CDK14: variants seen among roughly 807,000 people sequenced by gnomAD.
The protein encoded by CDK14 is cyclin dependent kinase 14, also known as cyclin-dependent kinase 14.
CDK14 carries 34 observed loss-of-function variants against 60.7 expected under a neutral mutation model. The ratio of observed to expected loss-of-function variants is 0.56; its 90% CI spans 0.43 to 0.75. CDK14 has a LOEUF of 0.75. CDK14 is among the 30% of genes least tolerant of loss of function. The pLI, the probability that CDK14 is intolerant of heterozygous loss-of-function variation, is 0.00. For missense variants in CDK14, 482 were observed against 564.1 expected (o/e 0.85, Z 1.47); for synonymous variants, 197 against 203.7 (o/e 0.97, Z 0.28).
intron 11 of CDK14, among the ~76,000 whole-genome samples, chr7:91,057,082 CT>C (rs1232526427): frequency 6.6e-6 from 1 of 152,142 alleles, no homozygotes; most frequent in Non-Finnish European, 1.5e-5. Flanking sequence ...TGTTTCCTGA[CT>C]TTTTAGTGAT....
chr7:90,722,245 A>G (rs1802486257), intron 2 of CDK14, among the ~76,000 whole-genome samples: 1 of 151,260 alleles, frequency 6.6e-6, no homozygotes, highest in Admixed American at 6.6e-5. Flanking sequence ...AGGCTGGAGT[A>G]CATGGAGCAT....
Position 91,033,808 on chromosome 7 carries a change from A to G in CDK14, c.1042-12089A>G, listed in dbSNP as rs62468499. 7.0e-3 allele frequency among the ~76,000 whole-genome samples: 1,064 copies of G among 152,268 alleles called. 8 individuals are homozygous for G. The highest frequency in any genetic ancestry group is 1.0e-2 in the Non-Finnish European group (680 of 68,016). The stretch of plus-strand genomic sequence containing the variant: ...TCCACTGCTGTGGCTCCCACAGTGC[A>G]CAGTTGGGGACTGAGTCTGAAGCTG... On this transcript the variant is annotated intron_variant, in intron 10 of 14. Coordinates refer to ENST00000380050, the MANE Select transcript of CDK14 (RefSeq NM_001287135.2).
chr7:90,728,404 C>CT (rs915534519), intron 3 of CDK14, among the ~76,000 whole-genome samples: 32 of 151,456 alleles, frequency 2.1e-4, no homozygotes, highest in Admixed American at 1.4e-3. Context: ...TATTTTAAAT[C>CT]TTTTTTTTCC....
At chr7:91,007,608 C>T (rs1010983560) in intron 10 of CDK14, among the ~76,000 whole-genome samples, 2 of 152,180 alleles carry the variant, frequency 1.3e-5, no homozygotes, top group Admixed American at 1.3e-4. Flanking sequence ...TACAAATCCA[C>T]CCACCACAGG....
chr7:91,027,387 G>T (rs191862481), intron 10 of CDK14, among the ~76,000 whole-genome samples: 1 of 152,128 alleles, frequency 6.6e-6, no homozygotes, highest in African/African-American at 2.4e-5. Context: ...ATCCACTCTC[G>T]TCGTGTGCCA....
chr7:90,808,483 G>C (rs1045238368), intron 5 of CDK14, among the ~76,000 whole-genome samples: 1 of 152,158 alleles, frequency 6.6e-6, no homozygotes, highest in Admixed American at 6.5e-5. Context: ...ACATAGAAAG[G>C]AACAACTGGT....
chr7:91,167,951 A>T (rs921459652), intron 14 of CDK14, among the ~76,000 whole-genome samples: 3 of 152,206 alleles, frequency 2.0e-5, no homozygotes, highest in Non-Finnish European at 4.4e-5. Flanking sequence ...ATTTTGGAAG[A>T]GGGTGCTATA....
chr7:90,988,239 G>A (rs1184832403), intron 10 of CDK14, among the ~76,000 whole-genome samples: 1 of 151,998 alleles, frequency 6.6e-6, no homozygotes, highest in East Asian at 1.9e-4. Flanking sequence ...TAATAACCAT[G>A]TTCATATGTA....
At chr7:91,109,751 G>C (rs1002013290) in intron 12 of CDK14, among the ~76,000 whole-genome samples, 9 of 151,888 alleles carry the variant, frequency 5.9e-5, no homozygotes, top group African/African-American at 9.7e-5. Context: ...AAATAAGCAG[G>C]TAACAAAAGG....
chr7:90,725,602 A>G (rs1469764173), intron 2 of CDK14, among the ~76,000 whole-genome samples: 1 of 152,158 alleles, frequency 6.6e-6, no homozygotes, highest in Non-Finnish European at 1.5e-5. Flanking sequence ...GGATGTGGGA[A>G]CTTTTTATAA....
At chr7:90,860,954 GT>G (rs1210478330) in intron 5 of CDK14, among the ~76,000 whole-genome samples, 1 of 152,106 alleles carries the variant, frequency 6.6e-6, no homozygotes, top group African/African-American at 2.4e-5. Context: ...TCCTCTCTGG[GT>G]TTTTAGAGGA....
At chr7:90,815,848 A>C (rs1460473911) in intron 5 of CDK14, among the ~76,000 whole-genome samples, 3 of 152,122 alleles carry the variant, frequency 2.0e-5, no homozygotes, top group African/African-American at 7.2e-5. Context: ...GTTCTCACTC[A>C]TAAGTGGGAG....
chr7:91,058,680 G>A (rs1051739697), intron 11 of CDK14, among the ~76,000 whole-genome samples: 29 of 152,114 alleles, frequency 1.9e-4, no homozygotes, highest in Non-Finnish European at 3.7e-4. Context: ...TTTTGTCATT[G>A]GTTCTGTTTA....
rs376689721 is a variant in CDK14, at chr7:90,675,183, C to G, written c.124-51384C>G. 8.5e-5 allele frequency among the ~76,000 whole-genome samples: 13 copies of G among 152,184 alleles called. No individual in the cohort carries two copies. In the East Asian group the frequency reaches 1.7e-3, roughly 20 times the overall value. On this transcript the variant is annotated intron_variant, in intron 2 of 14. Coordinates refer to ENST00000380050, the MANE Select transcript of CDK14 (RefSeq NM_001287135.2). Reference sequence around the variant, plus strand: ...CAACCTTTCTTTTCCATACATTTAACCTTTCCTATATAGTAGGGATTTTTT... The same window carrying G: ...CAACCTTTCTTTTCCATACATTTAAGCTTTCCTATATAGTAGGGATTTTTT...
chr7:90,754,720 C>T (rs937731419), intron 4 of CDK14, among the ~76,000 whole-genome samples: 1 of 152,042 alleles, frequency 6.6e-6, no homozygotes, highest in Non-Finnish European at 1.5e-5. Flanking sequence ...GTGTATCTGA[C>T]AAAGATCTGA....
intron 2 of CDK14, among the ~76,000 whole-genome samples, chr7:90,692,271 C>G (rs1413233229): frequency 6.6e-6 from 1 of 152,082 alleles, no homozygotes; most frequent in African/African-American, 2.4e-5. Context: ...GTTTGGTTTT[C>G]AGACAGATAT....
chr7:90,711,346 C>A (rs1476154829), intron 2 of CDK14, among the ~76,000 whole-genome samples: 1 of 151,800 alleles, frequency 6.6e-6, no homozygotes, highest in South Asian at 2.1e-4. Flanking sequence ...AAAGATAGAT[C>A]AAATTTACCT....
chr7:90,617,789 CGG>C (rs1435203487), intron 2 of CDK14, among the ~76,000 whole-genome samples: 10 of 151,950 alleles, frequency 6.6e-5, no homozygotes, highest in Non-Finnish European at 1.3e-4. Context: ...CTTGATCCTT[CGG>C]GTAGTAATTT....
At chr7:90,922,146 A>G (rs1166746317) in intron 8 of CDK14, among the ~76,000 whole-genome samples, 1 of 152,194 alleles carries the variant, frequency 6.6e-6, no homozygotes, top group Admixed American at 6.5e-5. Context: ...AAAATTCACC[A>G]TTGAAGTTAT....
Sources: gnomAD v4.1 joint callset for allele counts (sites outside exome capture counted in the v4.1 genomes callset) on GRCh38, gnomAD v4.1.1 for gene constraint, MANE v1.5 for transcripts, NCBI Gene and HGNC (gene_info 2026-07-23, HGNC 2026-07-21) for gene names.